Variants in PCCA observed in about 807,000 individuals in gnomAD.
PCCA encodes the protein propionyl-CoA carboxylase subunit alpha, also known as propionyl-CoA carboxylase alpha chain, mitochondrial.
Under a neutral mutation model 101.3 loss-of-function variants are expected in PCCA, and 74 were observed. That is an observed-to-expected ratio of 0.73 (90% CI 0.61 to 0.89). The LOEUF (loss-of-function observed/expected upper bound fraction) is 0.89, where lower values mean the gene tolerates loss of function less well. Among genes scored for constraint, PCCA ranks in the 40% least tolerant of loss-of-function variants. The pLI, the probability that PCCA is intolerant of heterozygous loss-of-function variation, is 0.00. For synonymous variants in PCCA, 294 were observed against 313.6 expected (o/e 0.94, Z 0.66); for missense variants, 891 against 907.0 (o/e 0.98, Z 0.23).
chr13:100,517,185 C>T (rs1438971910), intron 22 of PCCA, among the ~76,000 whole-genome samples: 1 of 152,006 alleles, frequency 6.6e-6, no homozygotes, highest in Non-Finnish European at 1.5e-5. Flanking sequence ...CCACTCCTGC[C>T]TCAAGCCTGG....
chr13:100,212,570 C>G (rs900843347), intron 7 of PCCA, among the ~76,000 whole-genome samples: 1 of 152,110 alleles, frequency 6.6e-6, no homozygotes. Flanking sequence ...TTTCTTTGCC[C>G]GTACTAACCA....
chr13:100,241,198 A>T (rs1390839194), intron 8 of PCCA, among the ~76,000 whole-genome samples: 1 of 152,138 alleles, frequency 6.6e-6, no homozygotes, highest in African/African-American at 2.4e-5. Context: ...ATTTCAGAAG[A>T]TCTTCATTAC....
intron 21 of PCCA, among the ~76,000 whole-genome samples, chr13:100,500,306 T>A (rs529905408): frequency 0.085 from 12,972 of 152,232 alleles, 774 homozygotes; most frequent in Middle Eastern, 0.17. Flanking sequence ...GGCGCTTATA[T>A]TTTGTTATTA....
chr13:100,165,320 G>A (rs1429956749), intron 6 of PCCA, among the ~76,000 whole-genome samples: 1 of 152,106 alleles, frequency 6.6e-6, no homozygotes, highest in African/African-American at 2.4e-5. Flanking sequence ...ACCAAATCAT[G>A]CCTTTCCTTA....
intron 10 of PCCA, 77 bp downstream of exon 10, chr13:100,262,908 C>T: frequency 1.4e-6 from 1 of 728,764 alleles, no homozygotes; most frequent in Non-Finnish European, 2.4e-6. Context: ...ATCTTTTCTT[C>T]CATTTAGAAT....
intron 21 of PCCA, chr13:100,490,660 C>T (rs1371275634): frequency 6.6e-6 from 1 of 152,258 alleles, no homozygotes; most frequent in Non-Finnish European, 1.5e-5. Context: ...GCCATCACCA[C>T]GTTCCAGTTT....
chr13:100,416,512 C>CTGTGTG lies in PCCA; in HGVS notation c.1747-9101_1747-9096dup, dbSNP rs143797850. ...ATGTTTTTGAACTTGTTTTAAATAT[C>CTGTGTG]TGTGTGTGTGTGTGTGTGTGTGTGT... On this transcript the variant is annotated intron_variant, in intron 19 of 23. Coordinates refer to ENST00000376285, the MANE Select transcript of PCCA (RefSeq NM_000282.4). Among the ~76,000 whole-genome samples the CTGTGTG allele has an allele frequency of 5.8e-3, 838 of 145,470 alleles. 5 individuals carry two copies. Among genetic ancestry groups the CTGTGTG allele is most frequent in the African/African-American group, 9.5e-3 (372 of 39,260 alleles).
In PCCA at chr13:100,089,176, G is replaced by T. The variant is rs2152189747; in HGVS notation, c.56G>T (p.Arg19Leu). Residue 19 changes from arginine to leucine, a missense_variant, in exon 1 of 24, where the codon CGG becomes CTG. Arg to Leu is a moderately radical substitution (Grantham distance 102). Coordinates refer to ENST00000376285, the MANE Select transcript of PCCA (RefSeq NM_000282.4). ...CTGGTCGCTGCCGGACGGCGTGGGC[G>T]GTGGCCGCCGCAGCAGCTGATGCTG... Reference protein sequence around the residue: ...APLVAAGRRGRWPPQQLMLSA... With the variant: ...APLVAAGRRGLWPPQQLMLSA... 1.3e-6 allele frequency: 2 copies of T among 1,529,770 alleles called. No homozygotes were observed. The allele number at this position is 1,529,770 out of a possible 1,614,324, so 94.8% of individuals were successfully genotyped here.
At chr13:100,478,169 A>AT (rs61401244) in intron 21 of PCCA, among the ~76,000 whole-genome samples, 4 of 151,984 alleles carry the variant, frequency 2.6e-5, no homozygotes, top group Non-Finnish European at 4.4e-5. Context: ...TTTTCTGTGG[A>AT]TTTTTTTTCC....
chr13:100,301,874 T>G (rs1375749613), intron 13 of PCCA, among the ~76,000 whole-genome samples: 1 of 152,212 alleles, frequency 6.6e-6, no homozygotes, highest in Non-Finnish European at 1.5e-5. Flanking sequence ...TAAATACTCT[T>G]GAGCTTGAAT....
At chr13:100,336,793 A>C (rs1167660971) in intron 17 of PCCA, among the ~76,000 whole-genome samples, 3 of 152,204 alleles carry the variant, frequency 2.0e-5, no homozygotes, top group Non-Finnish European at 4.4e-5. Flanking sequence ...TTGACTTCGC[A>C]GTAGAGGCTC....
At chr13:100,131,425 A>T (rs1333956476) in intron 4 of PCCA, among the ~76,000 whole-genome samples, 1 of 152,100 alleles carries the variant, frequency 6.6e-6, no homozygotes, top group Non-Finnish European at 1.5e-5. Flanking sequence ...GGCCGCTTGG[A>T]CCCATTGTCT....
intron 1 of PCCA, among the ~76,000 whole-genome samples, chr13:100,090,052 C>T (rs2046135943): frequency 6.6e-6 from 1 of 152,188 alleles, no homozygotes; most frequent in South Asian, 2.1e-4. Flanking sequence ...AAATGAAGGT[C>T]CCCTGAAAAC....
chr13:100,097,300 T>TA (rs963173182), intron 1 of PCCA, among the ~76,000 whole-genome samples: 4 of 152,182 alleles, frequency 2.6e-5, no homozygotes, highest in East Asian at 1.9e-4. Flanking sequence ...TTTGGGGTGA[T>TA]AAAAAATGTC....
At chr13:100,428,331 C>A (rs1481198597) in intron 20 of PCCA, among the ~76,000 whole-genome samples, 5 of 83,834 alleles carry the variant, frequency 6.0e-5, no homozygotes, top group Non-Finnish European at 1.3e-4. Flanking sequence ...CCGACCCCCC[C>A]TACCCCCCAC....
intron 19 of PCCA, among the ~76,000 whole-genome samples, chr13:100,396,965 T>C (rs1002608984): frequency 2.0e-5 from 3 of 152,128 alleles, no homozygotes; most frequent in African/African-American, 7.2e-5. Flanking sequence ...TCTTCCACGA[T>C]AGGGCGCGCA....
At position 100,387,195 on chromosome 13, in the gene PCCA, G is replaced by C. The variant is rs117642688; in HGVS notation, c.1746+18621G>C. Among the ~76,000 whole-genome samples, 396 of 152,312 alleles carry C rather than the reference G, an allele frequency of 2.6e-3. 2 individuals are homozygous for C. Among genetic ancestry groups the C allele is most frequent in the Non-Finnish European group, 4.0e-3 (275 of 68,040 alleles). ...ATCACTTAATAGGCTCTGGTTACAG[G>C]TTGATCTAATCTGAATTAAGAAATT... is the stretch of plus-strand genomic sequence containing the variant. On this transcript the variant is annotated intron_variant, in intron 19 of 23. Coordinates refer to ENST00000376285, the MANE Select transcript of PCCA (RefSeq NM_000282.4).
intron 21 of PCCA, among the ~76,000 whole-genome samples, chr13:100,474,457 T>C (rs1274570114): frequency 7.6e-6 from 1 of 131,168 alleles, no homozygotes; most frequent in Non-Finnish European, 1.7e-5. Flanking sequence ...TCTCTCTCTC[T>C]CTCTCTCTCT....
chr13:100,216,670 C>G (rs1205155603), intron 7 of PCCA, among the ~76,000 whole-genome samples: 3 of 151,828 alleles, frequency 2.0e-5, no homozygotes, highest in Non-Finnish European at 2.9e-5. Context: ...ATTAGAGGCA[C>G]CAAAAGAAAC....
Sources: allele counts gnomAD v4.1 joint callset (sites outside exome capture counted in the v4.1 genomes callset), GRCh38; gene constraint gnomAD v4.1.1; transcripts MANE v1.5; gene names NCBI Gene and HGNC (gene_info 2026-07-23, HGNC 2026-07-21).